The following BTRC variants were observed in gnomAD, a reference collection of about 807,000 sequenced individuals.
The protein encoded by BTRC is F-box/WD repeat-containing protein 1A.
In BTRC, 42 loss-of-function variants were observed where a neutral mutation model predicts 85.5. The observed-to-expected ratio is 0.49, with a 90% confidence interval of 0.38 to 0.64. The LOEUF is 0.64. Ranked by LOEUF, BTRC falls within the 30% of genes least tolerant of loss-of-function variation. The pLI is 0.00. For synonymous variants in BTRC, 255 were observed against 263.3 expected (o/e 0.97, Z 0.30); for missense variants, 594 against 743.5 (o/e 0.80, Z 2.34).
chr10:101,367,331 G>T (rs2134519538), intron 1 of BTRC, among the ~76,000 whole-genome samples: 1 of 151,676 alleles, frequency 6.6e-6, no homozygotes, highest in East Asian at 1.9e-4. Context: ...GCCTCCCAAA[G>T]TGCTGGGATT....
intron 1 of BTRC, among the ~76,000 whole-genome samples, chr10:101,368,126 G>C (rs756928707): frequency 1.7e-4 from 26 of 152,198 alleles, no homozygotes; most frequent in Non-Finnish European, 3.5e-4. Context: ...TCCTCATGAA[G>C]GGCTTGGTGC....
chr10:101,472,756 G>A (rs894302644), intron 3 of BTRC, among the ~76,000 whole-genome samples: 3 of 151,932 alleles, frequency 2.0e-5, no homozygotes, highest in East Asian at 1.9e-4. Flanking sequence ...CGGAGGTTGC[G>A]GTGAAATAAA....
At chr10:101,469,106 C>G (rs905084509) in intron 3 of BTRC, among the ~76,000 whole-genome samples, 3 of 152,238 alleles carry the variant, frequency 2.0e-5, no homozygotes, top group African/African-American at 7.2e-5. Flanking sequence ...ACGCAAAACT[C>G]TCTGCCTCTG....
rs963697576 is a variant in BTRC, at chr10:101,475,931, A to ATATATATATATATG, written c.235-3424_235-3423insGTATATATATATAT. On this transcript the variant is annotated intron_variant, in intron 3 of 14. Transcript: ENST00000370187. Reference sequence around the variant, plus strand: ...TCTCCAAGTATTTTGCCATATATATATATATATATATATATATATATATTC... The same window carrying ATATATATATATATG: ...TCTCCAAGTATTTTGCCATATATATATATATATATATATGTATATATATATATATATATATATTC... Among the ~76,000 whole-genome samples the ATATATATATATATG allele has an allele frequency of 4.9e-5, 5 of 101,182 alleles. 1 individual carries two copies. The highest frequency in any genetic ancestry group is 3.9e-5 in the Non-Finnish European group (2 of 51,766). The allele number at this position is 101,182 out of a possible 152,430, so 66.4% of individuals were successfully genotyped here.
At position 101,538,360 on chromosome 10, in the gene BTRC, C is replaced by T; in HGVS notation, c.1645C>T (p.Arg549Trp). The change falls in exon 13 of 15, where the codon CGG (arginine) becomes TGG (tryptophan). Residue 549 changes from arginine to tryptophan, a missense_variant. Physicochemically the swap from Arg to Trp is moderately radical, Grantham distance 101. Transcript: ENST00000370187. ...TGCTCCTGCAGGGACACTCTGTCTA[C>T]GGACCCTTGTGGTAAGAGCCTTGCT... The part of the protein sequence containing the change: ...PRAPAGTLCL[R>W]TLVEHSGRVF... 6.2e-7 allele frequency: 1 copy of T among 1,613,392 alleles called. No individual in the cohort carries two copies. The highest frequency in any genetic ancestry group is 1.3e-5 in the African/African-American group (1 of 75,010).
At chr10:101,421,700 C>T (rs1944106690) in intron 1 of BTRC, among the ~76,000 whole-genome samples, 4 of 145,438 alleles carry the variant, frequency 2.8e-5, no homozygotes, top group South Asian at 4.4e-4. Context: ...TCAATTCCCA[C>T]CAAGAGTGAG....
chr10:101,475,583 G>A (rs1348192535), intron 3 of BTRC, among the ~76,000 whole-genome samples: 2 of 152,000 alleles, frequency 1.3e-5, no homozygotes, highest in Admixed American at 6.5e-5. Flanking sequence ...TTATAATATC[G>A]ATGGGGAGTT....
rs528955450 is a variant in BTRC at position 101,556,857 on chromosome 10, C to G, written c.*3734C>G. ...CTTTCCAACCAGCACAGCTGGCGCT[C>G]TTAGCTCCTGATTGGTTGTGTGTTT... On this transcript the variant is annotated 3_prime_UTR_variant, in exon 15 of 15. Coordinates refer to ENST00000370187, the MANE Select transcript of BTRC (RefSeq NM_033637.4). 3.3e-5 allele frequency: 5 copies of G among 152,374 alleles called. 1 individual carries two copies. The South Asian group carries it at 1.0e-3, about 32-fold the overall frequency. 9.4% of individuals were successfully genotyped at this position (152,374 alleles called of 1,614,324 possible).
intron 1 of BTRC, among the ~76,000 whole-genome samples, chr10:101,357,602 A>G (rs1318353601): frequency 6.6e-6 from 1 of 152,168 alleles, no homozygotes; most frequent in Non-Finnish European, 1.5e-5. Context: ...CGCTAATGAC[A>G]ACTTTTATAC....
intron 1 of BTRC, among the ~76,000 whole-genome samples, chr10:101,368,044 C>T (rs1942520711): frequency 6.6e-6 from 1 of 152,168 alleles, no homozygotes; most frequent in Non-Finnish European, 1.5e-5. Context: ...CCTGCCAAGT[C>T]TCATGTTGAA....
At chr10:101,454,555 G>C (rs1403863455) in intron 2 of BTRC, among the ~76,000 whole-genome samples, 1 of 152,116 alleles carries the variant, frequency 6.6e-6, no homozygotes, top group Non-Finnish European at 1.5e-5. Context: ...GGAGGTGGGA[G>C]GATTGCTTGA....
intron 1 of BTRC, among the ~76,000 whole-genome samples, chr10:101,369,489 GT>G (rs1942571442): frequency 6.6e-6 from 1 of 152,086 alleles, no homozygotes; most frequent in African/African-American, 2.4e-5. Context: ...GCATTTTCTT[GT>G]TTACTGAAAG....
intron 2 of BTRC, among the ~76,000 whole-genome samples, chr10:101,451,453 A>G (rs370340979): frequency 1.3e-4 from 20 of 152,328 alleles, no homozygotes; most frequent in Admixed American, 3.3e-4. Context: ...GCAGCCATCT[A>G]TCTAGGGAGT....
rs529370908 is a variant in BTRC at position 101,466,410 on chromosome 10, A to T, written c.234+4352A>T. Among the ~76,000 whole-genome samples, 14 of 152,314 alleles carry T rather than the reference A, an allele frequency of 9.2e-5. No individual in the cohort carries two copies. In the South Asian group the frequency reaches 2.7e-3, roughly 29 times the overall value. On this transcript the variant is annotated intron_variant, in intron 3 of 14. Transcript: ENST00000370187. The stretch of plus-strand genomic sequence containing the variant: ...AGCCATGAGAGAGGCCAAGAAGCTA[A>T]CAAAGTAGCTGTCTCCCTTGTTAGC...
At chr10:101,482,734 G>T (rs553061051) in intron 4 of BTRC, among the ~76,000 whole-genome samples, 2 of 152,022 alleles carry the variant, frequency 1.3e-5, no homozygotes, top group Non-Finnish European at 2.9e-5. Context: ...CCTTTGAATG[G>T]AATGACTTGT....
chr10:101,359,149 ACTTG>A (rs1233379182), intron 1 of BTRC, among the ~76,000 whole-genome samples: 4 of 152,158 alleles, frequency 2.6e-5, no homozygotes, highest in South Asian at 4.1e-4. Flanking sequence ...GATTAAGTAA[ACTTG>A]CTTACTTACT....
chr10:101,550,981 C>A, intron 14 of BTRC, 90 bp downstream of exon 14: 2 of 1,244,844 alleles, frequency 1.6e-6, no homozygotes, highest in South Asian at 1.7e-5. Context: ...TTTCTCCTGC[C>A]GTTTGGGTCA....
intron 1 of BTRC, among the ~76,000 whole-genome samples, chr10:101,415,977 T>G (rs980636546): frequency 2.6e-5 from 4 of 152,222 alleles, no homozygotes; most frequent in African/African-American, 7.2e-5. Context: ...AGCAATATGC[T>G]CTACCTATAG....
intron 3 of BTRC, among the ~76,000 whole-genome samples, chr10:101,464,548 C>A (rs145188677): frequency 1.0e-4 from 15 of 143,474 alleles, no homozygotes; most frequent in African/African-American, 3.3e-4. Context: ...CCCACCCCCC[C>A]CATGGTGCTT....
Sources: gnomAD v4.1 joint callset for allele counts (sites outside exome capture counted in the v4.1 genomes callset) on GRCh38, gnomAD v4.1.1 for gene constraint, MANE v1.5 for transcripts, NCBI Gene and HGNC (gene_info 2026-07-23, HGNC 2026-07-21) for gene names.